PRR5: variants seen among roughly 807,000 people sequenced by gnomAD.
PRR5 encodes the protein proline rich 5, also known as proline-rich protein 5.
Under a neutral mutation model 30.6 loss-of-function variants are expected in PRR5, and 25 were observed. The ratio of observed to expected loss-of-function variants is 0.82; its 90% CI spans 0.60 to 1.14. The LOEUF (loss-of-function observed/expected upper bound fraction) is 1.14. Among genes scored for constraint, PRR5 ranks in the 50% most tolerant of loss-of-function variants. PRR5 has a pLI of 0.00. For synonymous variants in PRR5, 286 were observed against 247.1 expected (o/e 1.16, Z -1.48); for missense variants, 600 against 547.1 (o/e 1.10, Z -0.96).
chr22:44,694,612 C>T (rs1334029510), intron 1 of PRR5, among the ~76,000 whole-genome samples: 1 of 151,858 alleles, frequency 6.6e-6, no homozygotes, highest in Non-Finnish European at 1.5e-5. Context: ...CTGAAGCCTG[C>T]CCTCCTGCCT....
intron 2 of PRR5, among the ~76,000 whole-genome samples, chr22:44,716,907 AT>A (rs1929133539): frequency 6.6e-6 from 1 of 152,084 alleles, no homozygotes; most frequent in Non-Finnish European, 1.5e-5. Flanking sequence ...CCAAAGATAC[AT>A]AAAATTAGCT....
chr22:44,734,774 G>C (rs1318070579), intron 6 of PRR5: 1 of 569,178 alleles, frequency 1.8e-6, no homozygotes, highest in Non-Finnish European at 3.1e-6. Context: ...TCTGGCCACA[G>C]GGCCTTTTTC....
At chr22:44,728,548 G>C (rs1170203000) in intron 4 of PRR5, among the ~76,000 whole-genome samples, 1 of 152,256 alleles carries the variant, frequency 6.6e-6, no homozygotes, top group East Asian at 1.9e-4. Context: ...CACCTTGGCA[G>C]TCAGAGAGGG....
chr22:44,728,356 T>A (rs1921251315), intron 4 of PRR5, among the ~76,000 whole-genome samples: 1 of 152,232 alleles, frequency 6.6e-6, no homozygotes, highest in Non-Finnish European at 1.5e-5. Context: ...CTCTGTCCAC[T>A]TGAGTGTTCT....
chr22:44,712,479 A>G (rs1348325681), intron 1 of PRR5, among the ~76,000 whole-genome samples: 1 of 152,192 alleles, frequency 6.6e-6, no homozygotes, highest in Non-Finnish European at 1.5e-5. Context: ...AGCCCTGGCC[A>G]GTCCCGGCTC....
At chr22:44,714,249 G>A (rs1423766022) in intron 1 of PRR5, among the ~76,000 whole-genome samples, 2 of 152,238 alleles carry the variant, frequency 1.3e-5, no homozygotes, top group Admixed American at 1.3e-4. Flanking sequence ...GATGTGTTGG[G>A]GGGTGGGAGA....
upstream of PRR5, among the ~76,000 whole-genome samples, chr22:44,673,345 G>T (rs144736898): frequency 2.6e-5 from 4 of 152,348 alleles, no homozygotes; most frequent in East Asian, 7.7e-4. Context: ...CCTGGGGTGA[G>T]TAGGCGAAAG....
rs763464271 is a variant in PRR5, at chr22:44,736,789, C to A, written c.709C>A (p.Arg237Ser). The change falls in exon 8 of 8, where the codon CGC (arginine) becomes AGC (serine). Residue 237 changes from arginine (R) to serine (S), a missense_variant. By Grantham distance (110) the Arg-to-Ser change is moderately radical. Transcript: ENST00000336985. Reference protein sequence around the residue: ...SCILEKRLLRRSRSGDVLAKN... With the variant: ...SCILEKRLLRSSRSGDVLAKN... ...CTCCCCAGAAAAGCGCCTCCTCCGCCGCTCCCGCTCGGGGGACGTGCTGGC... is the reference window on the plus strand; with the variant it reads ...CTCCCCAGAAAAGCGCCTCCTCCGCAGCTCCCGCTCGGGGGACGTGCTGGC... 6.4e-7 allele frequency: 1 copy of A among 1,553,392 alleles called. No homozygotes were observed. The highest frequency in any genetic ancestry group is 8.7e-7 in the Non-Finnish European group (1 of 1,145,102).
At chr22:44,687,590 A>T (rs1485628647) in intron 1 of PRR5, among the ~76,000 whole-genome samples, 1 of 152,146 alleles carries the variant, frequency 6.6e-6, no homozygotes, top group Non-Finnish European at 1.5e-5. Context: ...TCTAGGCTAC[A>T]TTTTATTAAG....
chr22:44,732,473 T>TGAGGATTTAGGGGCACGAGAC, intron 6 of PRR5, 82 bp downstream of exon 6: 4 of 1,531,382 alleles, frequency 2.6e-6, no homozygotes, highest in Non-Finnish European at 3.5e-6. Flanking sequence ...GAGCATGAGA[T>TGAGGATTTAGGGGCACGAGAC]GAGGATTTAG....
chr22:44,681,669 C>T (rs28622004), intron 1 of PRR5, among the ~76,000 whole-genome samples: 9 of 151,964 alleles, frequency 5.9e-5, no homozygotes, highest in African/African-American at 1.7e-4. Context: ...TCTGGGGAGG[C>T]GAGGATGGCT....
intron 1 of PRR5, among the ~76,000 whole-genome samples, chr22:44,688,654 G>C (rs1372254138): frequency 6.6e-6 from 1 of 152,186 alleles, no homozygotes; most frequent in Non-Finnish European, 1.5e-5. Flanking sequence ...CAAGCACTAT[G>C]CTGGCCTTCA....
intron 1 of PRR5, among the ~76,000 whole-genome samples, chr22:44,705,911 C>T (rs781769807): frequency 6.6e-6 from 1 of 152,164 alleles, no homozygotes; most frequent in Non-Finnish European, 1.5e-5. Flanking sequence ...CCTGCTTCAG[C>T]CTCCCAAGTA....
chr22:44,675,757 C>CTGT (rs5845661), upstream of PRR5, among the ~76,000 whole-genome samples: 6,274 of 96,150 alleles, frequency 0.065, 310 homozygotes, highest in African/African-American at 0.17. Context: ...GTTACTGTTG[C>CTGT]TGTTGTTATT....
chr22:44,720,290 G>A (rs77069626), intron 2 of PRR5, among the ~76,000 whole-genome samples: 18,964 of 152,272 alleles, frequency 0.12, 1,592 homozygotes, highest in South Asian at 0.33. Context: ...CCACAATCCC[G>A]GACTGGGCAG....
Position 44,681,557 on chromosome 22 carries a change from C to T in PRR5, c.-11+4317C>T, listed in dbSNP as rs145845669. Among the ~76,000 whole-genome samples the T allele has an allele frequency of 3.2e-3, 480 of 151,310 alleles. 6 individuals carry two copies. Among genetic ancestry groups the T allele is most frequent in the African/African-American group, 0.011 (451 of 41,202 alleles). On this transcript the variant is annotated intron_variant, in intron 1 of 8. Coordinates refer to the PRR5 transcript ENST00000006251. ...GAGCCAAGATCGCACCACTGCACTC[C>T]AGCCTGGGCAATAAGAGCAAGACTT...
At position 44,737,356 on chromosome 22, in the gene PRR5, C is replaced by A; in HGVS notation, c.*109C>A. ...TTTACTGCGTCCCGTCCCGCCAGCC[C>A]TATCGGCCTCGTCACTGGCCTTGGT... On this transcript the variant is annotated 3_prime_UTR_variant, in exon 8 of 8. Transcript: ENST00000336985. 6.9e-7 allele frequency: 1 copy of A among 1,451,176 alleles called. No homozygotes were observed. The allele number at this position is 1,451,176 out of a possible 1,614,324, so 89.9% of individuals were successfully genotyped here.
intron 2 of PRR5, among the ~76,000 whole-genome samples, chr22:44,724,530 C>T (rs551539218): frequency 3.3e-5 from 5 of 152,262 alleles, no homozygotes; most frequent in Admixed American, 2.6e-4. Context: ...GAGGTCATAT[C>T]TGGGGCCTCA....
intron 1 of PRR5, among the ~76,000 whole-genome samples, chr22:44,685,423 A>G (rs1205432699): frequency 2.0e-5 from 3 of 152,242 alleles, no homozygotes; most frequent in African/African-American, 7.2e-5. Context: ...ATTTAATCAG[A>G]AAAATGTTTT....
Sources: allele counts gnomAD v4.1 joint callset (sites outside exome capture counted in the v4.1 genomes callset), GRCh38; gene constraint gnomAD v4.1.1; transcripts MANE v1.5; gene names NCBI Gene and HGNC (gene_info 2026-07-23, HGNC 2026-07-21).